The following FSHR variants were observed in gnomAD, a reference collection of about 807,000 sequenced individuals.
The protein encoded by FSHR is follicle-stimulating hormone receptor.
In FSHR, 46 loss-of-function variants were observed where a neutral mutation model predicts 52.1. The observed-to-expected ratio is 0.88, with a 90% CI of 0.70 to 1.13. The LOEUF (loss-of-function observed/expected upper bound fraction) is 1.13. FSHR is among the 50% of genes most tolerant of loss of function. The pLI is 0.00. For missense variants in FSHR, 964 were observed against 834.6 expected (o/e 1.16, Z -1.91); for synonymous variants, 399 against 309.6 (o/e 1.29, Z -3.03).
chr2:48,978,055 G>T (rs949699079), intron 8 of FSHR, among the ~76,000 whole-genome samples: 4 of 152,188 alleles, frequency 2.6e-5, no homozygotes, highest in African/African-American at 9.7e-5. Context: ...ATGGGATTAT[G>T]ACTTGCACAG....
chr2:49,140,507 GTATT>G (rs1255287907), intron 1 of FSHR, among the ~76,000 whole-genome samples: 2 of 151,952 alleles, frequency 1.3e-5, no homozygotes, highest in Non-Finnish European at 2.9e-5. Flanking sequence ...CCAGTCTCAG[GTATT>G]TATTTATAGT....
At chr2:49,054,750 G>C (rs1430041584) in intron 2 of FSHR, among the ~76,000 whole-genome samples, 1 of 152,190 alleles carries the variant, frequency 6.6e-6, no homozygotes, top group Admixed American at 6.5e-5. Context: ...AGCTTAGGCT[G>C]CTGAGACACT....
At chr2:49,029,410 G>A (rs1451521173) in intron 2 of FSHR, among the ~76,000 whole-genome samples, 1 of 152,198 alleles carries the variant, frequency 6.6e-6, no homozygotes, top group Admixed American at 6.5e-5. Flanking sequence ...GCCTGAGAGG[G>A]TGTTAAGGTT....
chr2:48,977,479 G>C (rs1443760032), intron 8 of FSHR, among the ~76,000 whole-genome samples: 1 of 152,158 alleles, frequency 6.6e-6, no homozygotes, highest in African/African-American at 2.4e-5. Flanking sequence ...AGGACTGAGG[G>C]TAGGAAGGGG....
intron 1 of FSHR, among the ~76,000 whole-genome samples, chr2:49,118,810 C>T (rs1671696535): frequency 6.6e-6 from 1 of 152,230 alleles, no homozygotes; most frequent in Non-Finnish European, 1.5e-5. Flanking sequence ...AAGAAATCTT[C>T]ACCTTTTTCC....
intron 1 of FSHR, among the ~76,000 whole-genome samples, chr2:49,098,498 T>C (rs1041157973): frequency 8.6e-5 from 13 of 151,810 alleles, no homozygotes; most frequent in Admixed American, 3.9e-4. Flanking sequence ...AAAAAAGACA[T>C]TTAAAGTTAA....
chr2:49,032,856 T>C (rs1242967978), intron 2 of FSHR, among the ~76,000 whole-genome samples: 1 of 152,200 alleles, frequency 6.6e-6, no homozygotes, highest in Non-Finnish European at 1.5e-5. Context: ...CCTGCTTCCA[T>C]GATACATTGT....
At chr2:49,059,485 G>C (rs1006081467) in intron 2 of FSHR, 4 of 152,070 alleles carry the variant, frequency 2.6e-5, no homozygotes, top group African/African-American at 9.7e-5. Flanking sequence ...CGTATCTATA[G>C]CCAACTGATT....
intron 4 of FSHR, among the ~76,000 whole-genome samples, chr2:49,016,501 C>T (rs1302705378): frequency 6.6e-6 from 1 of 152,156 alleles, no homozygotes; most frequent in African/African-American, 2.4e-5. Context: ...CTATGCTACC[C>T]TGCTAGAAAT....
chr2:49,027,866 A>G lies in FSHR; in HGVS notation c.225-7706T>C, dbSNP rs1389923976. On this transcript the variant is annotated intron_variant, in intron 2 of 9. Coordinates refer to ENST00000406846, the MANE Select transcript of FSHR (RefSeq NM_000145.4). ...CTCTTTCTCCAAAAAAAAAAAAAAA[A>G]AAAAAAGAGTGAAGGAAGGACAAAG... Among the ~76,000 whole-genome samples, 3 of 152,054 alleles carry G rather than the reference A, an allele frequency of 2.0e-5. No individual in the cohort carries two copies. In the East Asian group the frequency reaches 5.8e-4, roughly 29 times the overall value.
At chr2:49,008,059 G>C (rs1385143131) in intron 4 of FSHR, among the ~76,000 whole-genome samples, 1 of 149,266 alleles carries the variant, frequency 6.7e-6, no homozygotes, top group African/African-American at 2.5e-5. Context: ...TAAGTTTTAG[G>C]GTACATGTGC....
chr2:48,983,292 A>G, intron 6 of FSHR, 126 bp from the exon 7 acceptor site: 12 of 807,460 alleles, frequency 1.5e-5, no homozygotes, highest in Non-Finnish European at 1.9e-5. Flanking sequence ...TGCCACTTTT[A>G]AAGCTTGGGG....
At chr2:48,990,275 G>C (rs1200913437) in intron 5 of FSHR, among the ~76,000 whole-genome samples, 1 of 151,274 alleles carries the variant, frequency 6.6e-6, no homozygotes, top group Non-Finnish European at 1.5e-5. Context: ...TGTGTGGGGG[G>C]CAGTAATTAA....
intron 4 of FSHR, chr2:49,014,919 C>T: frequency 2.1e-6 from 1 of 470,178 alleles, no homozygotes; most frequent in South Asian, 1.6e-5. Context: ...TCCACTTTGG[C>T]ATTCTCCAAA....
At chr2:49,053,563 T>C (rs1032949311) in intron 2 of FSHR, among the ~76,000 whole-genome samples, 7 of 152,208 alleles carry the variant, frequency 4.6e-5, no homozygotes, top group Non-Finnish European at 8.8e-5. Context: ...TGATTTCTTT[T>C]TTCCCCCCAC....
chr2:48,992,079 A>T (rs1363796652), intron 4 of FSHR, among the ~76,000 whole-genome samples: 1 of 151,884 alleles, frequency 6.6e-6, no homozygotes, highest in African/African-American at 2.4e-5. Context: ...GTCTTGGGCA[A>T]TTCTCTTTTA....
intron 1 of FSHR, among the ~76,000 whole-genome samples, chr2:49,093,752 G>A (rs544017019): frequency 2.6e-5 from 4 of 151,722 alleles, no homozygotes; most frequent in African/African-American, 7.2e-5. Context: ...GCACCACCAC[G>A]CCTGGCTAAT....
chr2:48,981,574 C>G (rs1184921402), intron 8 of FSHR, among the ~76,000 whole-genome samples: 1 of 152,128 alleles, frequency 6.6e-6, no homozygotes, highest in Non-Finnish European at 1.5e-5. Flanking sequence ...CTATCTCAAG[C>G]CAGGCATTCT....
At chr2:49,102,202 C>T (rs1041984613) in intron 1 of FSHR, among the ~76,000 whole-genome samples, 2 of 152,166 alleles carry the variant, frequency 1.3e-5, no homozygotes, top group South Asian at 4.1e-4. Flanking sequence ...GTGTGCATTT[C>T]TACCAGCAGT....
Sources: gnomAD v4.1 joint callset for allele counts (sites outside exome capture counted in the v4.1 genomes callset) on GRCh38, gnomAD v4.1.1 for gene constraint, MANE v1.5 for transcripts, NCBI Gene and HGNC (gene_info 2026-07-23, HGNC 2026-07-21) for gene names.